CHRM3: variants seen among roughly 807,000 people sequenced by gnomAD.
CHRM3 encodes the protein muscarinic acetylcholine receptor M3.
A neutral mutation model predicts 41.8 loss-of-function variants in CHRM3; 11 were observed. The observed-to-expected ratio is 0.26, with a 90% CI of 0.17 to 0.44. The LOEUF is 0.44. Ranked by LOEUF, CHRM3 falls within the 20% of genes least tolerant of loss-of-function variation. The pLI, the probability that CHRM3 is intolerant of heterozygous loss-of-function variation, is 1.00. For missense variants in CHRM3, 571 were observed against 745.4 expected (o/e 0.77, Z 2.72); for synonymous variants, 297 against 301.4 (o/e 0.99, Z 0.15).
At chr1:239,631,620 A>T (rs1247413949) in intron 3 of CHRM3, among the ~76,000 whole-genome samples, 1 of 152,056 alleles carries the variant, frequency 6.6e-6, no homozygotes, top group African/African-American at 2.4e-5. Context: ...CTTCTAATGG[A>T]GGTACTTTCC....
intron 3 of CHRM3, among the ~76,000 whole-genome samples, chr1:239,549,719 AT>A (rs1430492245): frequency 1.3e-5 from 2 of 151,438 alleles, no homozygotes; most frequent in Non-Finnish European, 2.9e-5. Context: ...TCCAATATCT[AT>A]CTGATACTAC....
intron 1 of CHRM3, among the ~76,000 whole-genome samples, chr1:239,404,111 AC>A (rs1660234585): frequency 6.6e-6 from 1 of 150,826 alleles, no homozygotes; most frequent in Non-Finnish European, 1.5e-5. Context: ...ACACAGTGAA[AC>A]CCCGTCTCTA....
chr1:239,699,234 T>C (rs543065270), intron 5 of CHRM3, among the ~76,000 whole-genome samples: 44 of 152,094 alleles, frequency 2.9e-4, no homozygotes, highest in African/African-American at 9.6e-4. Flanking sequence ...CTGAGTTGTA[T>C]TCCTCCAAAA....
chr1:239,798,235 C>T (rs1669948206), intron 5 of CHRM3, among the ~76,000 whole-genome samples: 1 of 152,116 alleles, frequency 6.6e-6, no homozygotes, highest in Admixed American at 6.6e-5. Flanking sequence ...TGCAAAATCT[C>T]TGTTAATCAG....
intron 1 of CHRM3, among the ~76,000 whole-genome samples, chr1:239,417,962 G>A (rs1661634365): frequency 6.6e-6 from 1 of 152,144 alleles, no homozygotes; most frequent in Non-Finnish European, 1.5e-5. Context: ...TGTGTGATAG[G>A]TTGCTATGTC....
At chr1:239,706,690 G>A (rs1203574017) in intron 5 of CHRM3, among the ~76,000 whole-genome samples, 3 of 146,988 alleles carry the variant, frequency 2.0e-5, no homozygotes, top group Non-Finnish European at 4.5e-5. Context: ...ACGGAGGCAT[G>A]CACCCACACA....
Position 239,426,140 on chromosome 1 carries a change from TC to T in CHRM3, c.-521+38919del, listed in dbSNP as rs1230663752. Among the ~76,000 whole-genome samples, 4 of 6,164 alleles carry T rather than the reference TC, an allele frequency of 6.5e-4. 1 individual carries two copies. The highest frequency in any genetic ancestry group is 1.4e-3 in the Admixed American group (1 of 728). 4.0% of individuals were successfully genotyped at this position (6,164 alleles called of 152,430 possible). On this transcript the variant is annotated intron_variant, in intron 1 of 6. Transcript: ENST00000676153. The stretch of plus-strand genomic sequence containing the variant: ...ATCTCCTAATGCTATCCCTCCCCCC[TC>T]CCCCCTCCCCCCTCCCCCCACCCCA...
At chr1:239,511,821 T>C (rs1430255399) in intron 2 of CHRM3, among the ~76,000 whole-genome samples, 2 of 152,200 alleles carry the variant, frequency 1.3e-5, no homozygotes, top group Non-Finnish European at 2.9e-5. Context: ...AATCCTACCA[T>C]TGTCAAATGA....
chr1:239,787,535 A>C (rs1412092149), intron 5 of CHRM3, among the ~76,000 whole-genome samples: 26 of 152,156 alleles, frequency 1.7e-4, no homozygotes, highest in Admixed American at 1.7e-3. Context: ...GAGAGGTAAA[A>C]TGAGGATAGA....
At chr1:239,772,129 C>G (rs919997879) in intron 5 of CHRM3, among the ~76,000 whole-genome samples, 2 of 151,984 alleles carry the variant, frequency 1.3e-5, no homozygotes, top group Non-Finnish European at 2.9e-5. Flanking sequence ...AAGAAAGAAA[C>G]TTTCCATTTC....
rs143799319 is a variant in CHRM3, at chr1:239,796,745, T to C, written c.-146-30507T>C. On this transcript the variant is annotated intron_variant, in intron 5 of 6. Coordinates refer to ENST00000676153, the MANE Select transcript of CHRM3 (RefSeq NM_001375978.1). ...GGGGTACAAGTGCATTTTTGTTACA[T>C]GGATATATTGCATGGTGGTGAAGTC... 2.4e-4 allele frequency among the ~76,000 whole-genome samples: 37 copies of C among 152,268 alleles called. No homozygotes were observed. The East Asian group carries it at 7.0e-3, about 29-fold the overall frequency.
intron 6 of CHRM3, among the ~76,000 whole-genome samples, chr1:239,866,554 A>C (rs1005475098): frequency 6.6e-6 from 1 of 152,226 alleles, no homozygotes; most frequent in Admixed American, 6.5e-5. Context: ...CATGGAAATC[A>C]ACAGGAGATC....
At chr1:239,793,030 T>G (rs905315110) in intron 5 of CHRM3, among the ~76,000 whole-genome samples, 5 of 152,230 alleles carry the variant, frequency 3.3e-5, no homozygotes, top group African/African-American at 4.8e-5. Flanking sequence ...CCTCAGTTAT[T>G]TTTCCAGTGA....
intron 5 of CHRM3, among the ~76,000 whole-genome samples, chr1:239,679,023 A>G (rs867343174): frequency 8.5e-6 from 1 of 117,548 alleles, no homozygotes; most frequent in East Asian, 2.8e-4. Context: ...ATAGGTAGAT[A>G]GATGGATAGA....
At chr1:239,503,332 A>C (rs1572525206) in intron 2 of CHRM3, among the ~76,000 whole-genome samples, 1 of 152,252 alleles carries the variant, frequency 6.6e-6, no homozygotes, top group Admixed American at 6.5e-5. Context: ...AATAAAATAA[A>C]ATACTTAGGA....
rs767786650 is a variant in CHRM3 at position 239,908,463 on chromosome 1, A to G, written c.1012A>G (p.Asn338Asp). Residue 338 changes from asparagine to aspartate, a missense_variant, in exon 7 of 7, where the codon AAC becomes GAC. By Grantham distance (23) the Asn-to-Asp change is conservative (BLOSUM62 1). Coordinates refer to ENST00000676153, the MANE Select transcript of CHRM3 (RefSeq NM_001375978.1). This position sits in a 1 kb window ranked among gnomAD's most constrained non-coding sequence, Gnocchi z 7.2. Reference protein sequence around the residue: ...DQDHSSSDSWNNNDAAASLEN... With the variant: ...DQDHSSSDSWDNNDAAASLEN... ...AGACCACAGCAGCAGTGACAGTTGGAACAACAATGATGCTGCTGCCTCCCT... is the reference window on the plus strand; with the variant it reads ...AGACCACAGCAGCAGTGACAGTTGGGACAACAATGATGCTGCTGCCTCCCT... 8 of 1,612,946 alleles carry G rather than the reference A, an allele frequency of 5.0e-6. No homozygotes were observed. The highest frequency in any genetic ancestry group is 6.8e-6 in the Non-Finnish European group (8 of 1,179,484).
At chr1:239,709,094 A>G (rs1251698107) in intron 5 of CHRM3, among the ~76,000 whole-genome samples, 3 of 151,902 alleles carry the variant, frequency 2.0e-5, no homozygotes, top group African/African-American at 7.3e-5. Flanking sequence ...CTACCTATTT[A>G]TTTGCATATG....
chr1:239,553,592 C>A (rs1660071531), intron 3 of CHRM3, among the ~76,000 whole-genome samples: 1 of 152,048 alleles, frequency 6.6e-6, no homozygotes. Flanking sequence ...TGGACATGTC[C>A]TATAATTGAT....
chr1:239,899,478 A>G (rs12029843), intron 6 of CHRM3, among the ~76,000 whole-genome samples: 7 of 127,372 alleles, frequency 5.5e-5, no homozygotes, highest in Non-Finnish European at 8.0e-5. Context: ...ATATGTGTGT[A>G]TATATACTCA....
Sources: gnomAD v4.1 joint callset for allele counts (sites outside exome capture counted in the v4.1 genomes callset) on GRCh38, gnomAD v4.1.1 for gene constraint, Gnocchi (gnomAD v3.1) non-coding constraint, MANE v1.5 for transcripts, NCBI Gene and HGNC (gene_info 2026-07-23, HGNC 2026-07-21) for gene names.